FRMD4B: variants seen among roughly 807,000 people sequenced by gnomAD.
The protein encoded by FRMD4B is FERM domain-containing protein 4B.
Under a neutral mutation model 141.5 loss-of-function variants are expected in FRMD4B, and 74 were observed. The observed-to-expected ratio is 0.52, with a 90% CI of 0.43 to 0.63. FRMD4B has a LOEUF of 0.63. FRMD4B is among the 30% of genes least tolerant of loss of function. The pLI is 0.00. For missense variants in FRMD4B, 1,366 were observed against 1,253.4 expected (o/e 1.09, Z -1.36); for synonymous variants, 506 against 467.9 (o/e 1.08, Z -1.05).
intron 7 of FRMD4B, among the ~76,000 whole-genome samples, chr3:69,245,830 ATTTGTTT>A (rs1308449146): frequency 4.8e-5 from 5 of 103,220 alleles, no homozygotes; most frequent in African/African-American, 1.9e-4. Context: ...TGCCAGGCTA[ATTTGTTT>A]TTTTTTTTTT....
chr3:69,403,407 G>C (rs1246174543), intron 2 of FRMD4B, among the ~76,000 whole-genome samples: 1 of 152,132 alleles, frequency 6.6e-6, no homozygotes, highest in Non-Finnish European at 1.5e-5. Flanking sequence ...ATTAATGCTA[G>C]ATACAAGGAA....
At chr3:69,540,650 T>TACACAC (rs1251113411) in intron 1 of FRMD4B, among the ~76,000 whole-genome samples, 1 of 81,520 alleles carries the variant, frequency 1.2e-5, no homozygotes, top group African/African-American at 7.0e-5. Context: ...TATATATATA[T>TACACAC]ATATATATAT....
chr3:69,302,075 T>C (rs900489933), intron 4 of FRMD4B, among the ~76,000 whole-genome samples: 1 of 152,218 alleles, frequency 6.6e-6, no homozygotes, highest in African/African-American at 2.4e-5. Flanking sequence ...CAGCTTTAAA[T>C]TGATTTCTAA....
chr3:69,310,997 T>C (rs1238938966), intron 3 of FRMD4B, among the ~76,000 whole-genome samples: 1 of 152,210 alleles, frequency 6.6e-6, no homozygotes, highest in Non-Finnish European at 1.5e-5. Context: ...CATGAGAAGA[T>C]ACACTGTAAT....
intron 4 of FRMD4B, among the ~76,000 whole-genome samples, chr3:69,295,172 A>C (rs1700998474): frequency 6.6e-6 from 1 of 152,172 alleles, no homozygotes; most frequent in Non-Finnish European, 1.5e-5. Context: ...AGGTGATGAA[A>C]CAGGCCCAAG....
At position 69,452,798 on chromosome 3, in the gene FRMD4B, G is replaced by C. The variant is rs1422709742; in HGVS notation, c.-128-20037C>G. On this transcript the variant is annotated intron_variant, in intron 1 of 5. Transcript: ENST00000459638. Reference sequence around the variant, plus strand: ...AACTGTCTAGCAGAAACATAACGTGGGTCACAAATGACAGGCACATGTATA... The same window carrying C: ...AACTGTCTAGCAGAAACATAACGTGCGTCACAAATGACAGGCACATGTATA... 6.6e-5 allele frequency among the ~76,000 whole-genome samples: 10 copies of C among 152,152 alleles called. No individual in the cohort carries two copies. The South Asian group carries it at 2.1e-3, about 32-fold the overall frequency.
intron 1 of FRMD4B, among the ~76,000 whole-genome samples, chr3:69,374,837 A>G (rs1036596457): frequency 1.3e-5 from 2 of 152,132 alleles, no homozygotes; most frequent in Non-Finnish European, 2.9e-5. Context: ...CCAGTCTACA[A>G]TTCTTCATCT....
intron 1 of FRMD4B, among the ~76,000 whole-genome samples, chr3:69,338,372 G>T (rs1000893665): frequency 6.6e-6 from 1 of 151,958 alleles, no homozygotes; most frequent in African/African-American, 2.4e-5. Context: ...CGAGTTAATG[G>T]GTGCAGCACA....
chr3:69,235,860 C>G (rs1481314538), intron 7 of FRMD4B, among the ~76,000 whole-genome samples: 2 of 152,062 alleles, frequency 1.3e-5, no homozygotes, highest in Non-Finnish European at 2.9e-5. Context: ...AAAGCAAATA[C>G]GACTCCAAAC....
At chr3:69,348,022 CA>C (rs1489074795) in intron 1 of FRMD4B, among the ~76,000 whole-genome samples, 1 of 151,912 alleles carries the variant, frequency 6.6e-6, no homozygotes, top group Non-Finnish European at 1.5e-5. Context: ...AAAAACCCTT[CA>C]AAAAATCAAT....
chr3:69,385,796 GGGGCCCT>G, intron 1 of FRMD4B, 25 bp downstream of exon 1: 3 of 1,503,616 alleles, frequency 2.0e-6, no homozygotes. Context: ...GCATCCTGCT[GGGGCCCT>G]CGGGTGCCGC....
chr3:69,281,836 A>ATATAT lies in FRMD4B; in HGVS notation c.501+5915_501+5916insATATA, dbSNP rs372129748. On this transcript the variant is annotated intron_variant, in intron 5 of 22. Coordinates refer to ENST00000398540, the MANE Select transcript of FRMD4B (RefSeq NM_015123.3). ...AAGACTCCGTCTCAAAAAAAAAAAA[A>ATATAT]AAATATATATATATATTTTTGCTTA... Among the ~76,000 whole-genome samples, 418 of 108,732 alleles carry ATATAT rather than the reference A, an allele frequency of 3.8e-3. 1 individual carries two copies. The highest frequency in any genetic ancestry group is 0.027 in the South Asian group (89 of 3,278). The allele number at this position is 108,732 out of a possible 152,430, so 71.3% of individuals were successfully genotyped here. A position where few individuals can be genotyped will look rare whatever the true frequency, so the allele number is the denominator to read the frequency against.
intron 1 of FRMD4B, among the ~76,000 whole-genome samples, chr3:69,456,128 G>GC (rs1469582212): frequency 3.3e-5 from 5 of 151,986 alleles, no homozygotes; most frequent in Admixed American, 6.6e-5. Context: ...ATCACAGGAT[G>GC]CCCCCAGAGA....
At chr3:69,346,455 C>T (rs1702945991) in intron 1 of FRMD4B, among the ~76,000 whole-genome samples, 2 of 152,110 alleles carry the variant, frequency 1.3e-5, no homozygotes, top group Admixed American at 1.3e-4. Context: ...GGCAGGCCAA[C>T]CTTCAAATTC....
chr3:69,467,889 G>C (rs1705820983), intron 1 of FRMD4B, among the ~76,000 whole-genome samples: 1 of 152,160 alleles, frequency 6.6e-6, no homozygotes, highest in African/African-American at 2.4e-5. Context: ...TGAAGAAATA[G>C]GAGTCAGCCA....
At chr3:69,185,858 A>G (rs772609355) in intron 19 of FRMD4B, among the ~76,000 whole-genome samples, 158 of 152,018 alleles carry the variant, frequency 1.0e-3, no homozygotes, top group Non-Finnish European at 1.4e-3. Context: ...CCTGACCAAC[A>G]TGGTGAAACT....
intron 5 of FRMD4B, among the ~76,000 whole-genome samples, chr3:69,256,376 G>A (rs749571176): frequency 3.5e-4 from 53 of 152,318 alleles, no homozygotes; most frequent in Middle Eastern, 3.4e-3. Context: ...CTGGAGTGCA[G>A]TGGCATAATT....
At chr3:69,206,228 T>C (rs2093023354) in intron 11 of FRMD4B, among the ~76,000 whole-genome samples, 1 of 152,058 alleles carries the variant, frequency 6.6e-6, no homozygotes, top group Non-Finnish European at 1.5e-5. Context: ...CATGCACCTG[T>C]AGTCCCAGCT....
chr3:69,356,635 T>C (rs946423348), intron 1 of FRMD4B, among the ~76,000 whole-genome samples: 3 of 146,712 alleles, frequency 2.0e-5, no homozygotes, highest in African/African-American at 7.6e-5. Context: ...ATATATATAA[T>C]ATATATACAT....
Sources: gnomAD v4.1 joint callset for allele counts (sites outside exome capture counted in the v4.1 genomes callset) on GRCh38, gnomAD v4.1.1 for gene constraint, MANE v1.5 for transcripts, NCBI Gene and HGNC (gene_info 2026-07-23, HGNC 2026-07-21) for gene names.